Variants in KCNH8 observed in about 807,000 individuals in gnomAD.
KCNH8 encodes voltage-gated delayed rectifier potassium channel KCNH8.
A neutral mutation model predicts 103.6 loss-of-function variants in KCNH8; 70 were observed. The ratio of observed to expected loss-of-function variants is 0.68; its 90% confidence interval spans 0.56 to 0.82. The LOEUF (loss-of-function observed/expected upper bound fraction) is 0.82, where lower values mean the gene tolerates loss of function less well. KCNH8 is among the 40% of genes least tolerant of loss of function. KCNH8 has a pLI of 0.00. For missense variants in KCNH8, 1,217 were observed against 1,329.9 expected, an observed-to-expected ratio of 0.92 and a Z score of 1.32; for synonymous variants, 498 against 489.4, an observed-to-expected ratio of 1.02 and a Z score of -0.23.
intron 3 of KCNH8, among the ~76,000 whole-genome samples, chr3:19,292,626 C>A (rs190241171): frequency 1.3e-5 from 2 of 152,158 alleles, no homozygotes; most frequent in African/African-American, 4.8e-5. Flanking sequence ...CTGCGCAGCC[C>A]GTGGTTAGGA....
At chr3:19,419,057 TCTAAA>T (rs2066905018) in intron 7 of KCNH8, among the ~76,000 whole-genome samples, 1 of 152,208 alleles carries the variant, frequency 6.6e-6, no homozygotes, top group African/African-American at 2.4e-5. Context: ...AAACATTTTA[TCTAAA>T]CTAGTTACAC....
chr3:19,395,378 A>AG, intron 7 of KCNH8, 67 bp downstream of exon 7: 1 of 1,063,306 alleles, frequency 9.4e-7, no homozygotes, highest in Non-Finnish European at 1.4e-6. Context: ...AAGAACTTGG[A>AG]GGAAGTGAAA....
chr3:19,482,434 T>G (rs1200901394), intron 11 of KCNH8, among the ~76,000 whole-genome samples: 1 of 152,218 alleles, frequency 6.6e-6, no homozygotes, highest in Non-Finnish European at 1.5e-5. Flanking sequence ...TTCACTTTTA[T>G]TTTTACTACC....
chr3:19,485,697 G>A (rs566369581), intron 11 of KCNH8, among the ~76,000 whole-genome samples: 1 of 152,084 alleles, frequency 6.6e-6, no homozygotes, highest in African/African-American at 2.4e-5. Context: ...GGAGTAATGG[G>A]GCTGCTACCG....
intron 7 of KCNH8, among the ~76,000 whole-genome samples, chr3:19,432,203 C>CT (rs1403137479): frequency 1.3e-5 from 2 of 152,120 alleles, no homozygotes; most frequent in Admixed American, 1.3e-4. Flanking sequence ...ATGCATCCCC[C>CT]TCCAATATTT....
chr3:19,167,749 C>A (rs1016794311), intron 1 of KCNH8, among the ~76,000 whole-genome samples: 1 of 152,140 alleles, frequency 6.6e-6, no homozygotes, highest in Admixed American at 6.5e-5. Context: ...AGATGCCCTG[C>A]GTCCAGTGTC....
At chr3:19,336,478 A>C (rs147156473) in intron 3 of KCNH8, among the ~76,000 whole-genome samples, 71 of 152,014 alleles carry the variant, frequency 4.7e-4, no homozygotes, top group African/African-American at 1.7e-3. Flanking sequence ...AAGAAGAGAA[A>C]TTCTTTCTTT....
At chr3:19,446,067 C>G (rs2125178973) in intron 8 of KCNH8, among the ~76,000 whole-genome samples, 1 of 152,092 alleles carries the variant, frequency 6.6e-6, no homozygotes, top group South Asian at 2.1e-4. Context: ...ATTACACAGT[C>G]TCATTATCAA....
At chr3:19,289,362 C>A (rs1382141748) in intron 3 of KCNH8, among the ~76,000 whole-genome samples, 1 of 152,074 alleles carries the variant, frequency 6.6e-6, no homozygotes, top group African/African-American at 2.4e-5. Flanking sequence ...GGTTTTAGGT[C>A]TAACATTTAA....
At chr3:19,367,765 C>T (rs1296900369) in intron 5 of KCNH8, among the ~76,000 whole-genome samples, 1 of 151,912 alleles carries the variant, frequency 6.6e-6, no homozygotes, top group Non-Finnish European at 1.5e-5. Context: ...TTAAACAGCA[C>T]AGCCTACTTT....
At chr3:19,520,332 T>C (rs1237245039) in intron 15 of KCNH8, among the ~76,000 whole-genome samples, 4 of 151,904 alleles carry the variant, frequency 2.6e-5, no homozygotes, top group African/African-American at 2.4e-5. Context: ...AGAATTAGGT[T>C]TTCCATAAAG....
intron 2 of KCNH8, among the ~76,000 whole-genome samples, chr3:19,275,249 G>A (rs773208545): frequency 1.3e-4 from 20 of 151,732 alleles, no homozygotes; most frequent in Admixed American, 7.2e-4. Flanking sequence ...TATAGTATGC[G>A]TATTCTACCC....
chr3:19,148,593 C>A lies in KCNH8; in HGVS notation c.-127C>A. On this transcript the variant is annotated 5_prime_UTR_variant, in exon 1 of 16. Transcript: ENST00000328405. Reference sequence around the variant, plus strand: ...CCATCCTTCCACTTCCCCTGCTCGGCCCCGCCGTCAGGCCGGGTCCCCCTT... The same window carrying A: ...CCATCCTTCCACTTCCCCTGCTCGGACCCGCCGTCAGGCCGGGTCCCCCTT... 2.3e-6 allele frequency: 2 copies of A among 874,454 alleles called. No individual in the cohort carries two copies. Among genetic ancestry groups the A allele is most frequent in the Non-Finnish European group, 1.9e-6 (1 of 516,780 alleles). 54.2% of individuals were successfully genotyped at this position (874,454 alleles called of 1,614,324 possible).
rs778414015 is a variant in KCNH8, at chr3:19,281,339, G to A, written c.442+10G>A. 45 of 1,577,476 alleles carry A rather than the reference G, an allele frequency of 2.9e-5. No individual in the cohort carries two copies. The highest frequency in any genetic ancestry group is 2.0e-4 in the East Asian group (9 of 44,066). On this transcript the variant is annotated intron_variant, in intron 3 of 15. Transcript: ENST00000328405. The stretch of plus-strand genomic sequence containing the variant: ...GAAGATAAAAAAGAAGGTTTGTACC[G>A]TTTTCAGAAAACATTGACAGATGGA...
chr3:19,299,154 A>T (rs2065032529), intron 3 of KCNH8, among the ~76,000 whole-genome samples: 3 of 152,194 alleles, frequency 2.0e-5, no homozygotes, highest in Admixed American at 1.3e-4. Flanking sequence ...GCTTATTTAA[A>T]TAAACCCTGG....
intron 3 of KCNH8, among the ~76,000 whole-genome samples, chr3:19,328,249 C>T (rs1479579107): frequency 6.6e-6 from 1 of 152,172 alleles, no homozygotes; most frequent in African/African-American, 2.4e-5. Context: ...AGCCTTGGCT[C>T]ATACTTTCCT....
chr3:19,410,643 A>G (rs2066761855), intron 7 of KCNH8, among the ~76,000 whole-genome samples: 1 of 152,022 alleles, frequency 6.6e-6, no homozygotes, highest in Non-Finnish European at 1.5e-5. Flanking sequence ...AATAGACCAC[A>G]AGATTATCAA....
intron 1 of KCNH8, among the ~76,000 whole-genome samples, chr3:19,165,538 A>G (rs910401477): frequency 1.3e-5 from 2 of 152,218 alleles, no homozygotes; most frequent in African/African-American, 4.8e-5. Context: ...CTCCAACACC[A>G]GTGGGTTATT....
intron 4 of KCNH8, 52 bp downstream of exon 4, chr3:19,342,766 T>G: frequency 6.6e-7 from 1 of 1,520,788 alleles, no homozygotes; most frequent in Non-Finnish European, 8.9e-7. Context: ...CTGGTGGCAA[T>G]GTTTGACTCG....
Sources: allele counts gnomAD v4.1 joint callset (sites outside exome capture counted in the v4.1 genomes callset), GRCh38; gene constraint gnomAD v4.1.1; transcripts MANE v1.5; gene names NCBI Gene and HGNC (gene_info 2026-07-23, HGNC 2026-07-21).